The following SERPINI2 variants were observed in gnomAD, a reference collection of about 807,000 sequenced individuals.
SERPINI2 encodes serpin I2.
A neutral mutation model predicts 47.3 loss-of-function variants in SERPINI2; 48 were observed. That is an observed-to-expected ratio of 1.02 (90% CI 0.81 to 1.29). SERPINI2 has a LOEUF of 1.29. Ranked by LOEUF, SERPINI2 falls within the 50% of genes most tolerant of loss-of-function variation. The pLI is 0.00. For missense variants in SERPINI2, 448 were observed against 456.9 expected, an observed-to-expected ratio of 0.98 and a Z score of 0.18; for synonymous variants, 135 against 149.3, an observed-to-expected ratio of 0.90 and a Z score of 0.70.
intron 7 of SERPINI2, 126 bp downstream of exon 7, chr3:167,449,190 C>T (rs1383710608): frequency 2.5e-5 from 17 of 675,462 alleles, no homozygotes; most frequent in African/African-American, 5.5e-5. Flanking sequence ...TCCTTTTTTT[C>T]CTCCTGAAGT....
At chr3:167,457,154 A>G (rs1399659041) in intron 5 of SERPINI2, among the ~76,000 whole-genome samples, 1 of 152,230 alleles carries the variant, frequency 6.6e-6, no homozygotes, top group Non-Finnish European at 1.5e-5. Context: ...AGATAATACT[A>G]TACTTTTGAA....
chr3:167,475,600 C>G (rs1459048825), upstream of SERPINI2, among the ~76,000 whole-genome samples: 4 of 151,696 alleles, frequency 2.6e-5, no homozygotes, highest in South Asian at 2.1e-4. Context: ...TTTATTCTCC[C>G]TGGTTTAACC....
intron 5 of SERPINI2, among the ~76,000 whole-genome samples, chr3:167,464,561 G>C (rs1334266782): frequency 6.6e-6 from 1 of 151,832 alleles, no homozygotes; most frequent in African/African-American, 2.4e-5. Flanking sequence ...TAAAACGACA[G>C]TATATAATCT....
At chr3:167,465,224 A>G (rs2108168694) in exon 5 of SERPINI2, 2 of 1,609,642 alleles carry the variant, frequency 1.2e-6, no homozygotes, top group East Asian at 2.2e-5. Flanking sequence ...GCTTATTTCT[A>G]CTTCCTCTTC....
intron 5 of SERPINI2, among the ~76,000 whole-genome samples, chr3:167,457,649 C>T (rs988965184): frequency 4.6e-5 from 7 of 152,204 alleles, no homozygotes; most frequent in African/African-American, 1.4e-4. Context: ...TGAATAGCTA[C>T]TATTTTTTAT....
At chr3:167,463,408 G>A (rs1209090509) in intron 5 of SERPINI2, among the ~76,000 whole-genome samples, 1 of 151,774 alleles carries the variant, frequency 6.6e-6, no homozygotes, top group Non-Finnish European at 1.5e-5. Context: ...AGAATAACAG[G>A]GATATTTCTG....
At chr3:167,444,956 CT>C (rs1198614954) in intron 8 of SERPINI2, among the ~76,000 whole-genome samples, 5 of 152,022 alleles carry the variant, frequency 3.3e-5, no homozygotes, top group African/African-American at 7.2e-5. Context: ...CCCAATGTAG[CT>C]TTTTTTCTTT....
At chr3:167,449,916 G>T (rs1428750750) in intron 6 of SERPINI2, among the ~76,000 whole-genome samples, 1 of 152,214 alleles carries the variant, frequency 6.6e-6, no homozygotes, top group African/African-American at 2.4e-5. Flanking sequence ...CATATATACA[G>T]AGAGAGATCA....
intron 7 of SERPINI2, among the ~76,000 whole-genome samples, chr3:167,448,880 G>C (rs1447087841): frequency 6.6e-6 from 1 of 152,164 alleles, no homozygotes; most frequent in East Asian, 1.9e-4. Context: ...GGTTAAGTTT[G>C]AGAGCCACTG....
Position 167,449,310 on chromosome 3 carries a change from C to A in SERPINI2, c.1051+6G>T. The A allele has an allele frequency of 6.2e-7, 1 of 1,602,422 alleles. No homozygotes were observed. The highest frequency in any genetic ancestry group is 8.5e-7 in the Non-Finnish European group (1 of 1,169,616). On this transcript the variant is annotated splice_donor_region_variant and intron_variant, in intron 7 of 8. Coordinates refer to ENST00000264677, the Ensembl canonical transcript of SERPINI2. ...TTCTAGCTTGGCCAGAAATCATTCA[C>A]CCTACCAGTTGATGTTGCAGCTTCA...
At chr3:167,459,488 C>CTAG (rs1749922122) in intron 5 of SERPINI2, among the ~76,000 whole-genome samples, 2 of 151,832 alleles carry the variant, frequency 1.3e-5, no homozygotes, top group South Asian at 4.2e-4. Context: ...AATTATATAT[C>CTAG]TAGTATATTA....
At position 167,459,681 on chromosome 3, in the gene SERPINI2, GTT is replaced by G. The variant is rs11346005; in HGVS notation, c.866+5523_866+5524del. Among the ~76,000 whole-genome samples, 432 of 108,018 alleles carry G rather than the reference GTT, an allele frequency of 4.0e-3. 3 individuals carry two copies. The highest frequency in any genetic ancestry group is 0.01 in the African/African-American group (361 of 35,700). The allele number at this position is 108,018 out of a possible 152,430, so 70.9% of individuals were successfully genotyped here. ...TTAAATATAAACATTCTTATGGGTG[GTT>G]TTTTTTTTTTTTTGGCATATACTAA... On this transcript the variant is annotated intron_variant, in intron 5 of 8. Coordinates refer to ENST00000264677, the Ensembl canonical transcript of SERPINI2.
exon 9 of SERPINI2, chr3:167,442,044 G>T: frequency 8.0e-7 from 1 of 1,246,138 alleles, no homozygotes; most frequent in South Asian, 1.4e-5. Flanking sequence ...TTGTCAAGAT[G>T]ACGATATTTT....
chr3:167,449,068 C>T (rs921975772), intron 7 of SERPINI2, among the ~76,000 whole-genome samples: 7 of 152,186 alleles, frequency 4.6e-5, no homozygotes, highest in African/African-American at 9.7e-5. Flanking sequence ...TAATCCAATT[C>T]GCAAGTAAGC....
At chr3:167,459,161 G>A (rs1283361008) in intron 5 of SERPINI2, among the ~76,000 whole-genome samples, 3 of 148,744 alleles carry the variant, frequency 2.0e-5, no homozygotes, top group Admixed American at 6.7e-5. Context: ...TGCAAGCTCC[G>A]CCTCCCGGGT....
At position 167,465,402 on chromosome 3, in the gene SERPINI2, G is replaced by C; in HGVS notation, c.674-4C>G. ...AGGGAAGATTCAGAAAAATAACCTG[G>C]AATAGACAAAATAAAATATCAAATA... On this transcript the variant is annotated splice_region_variant and splice_polypyrimidine_tract_variant and intron_variant, in intron 4 of 8. Transcript: ENST00000264677. 2 of 1,602,394 alleles carry C rather than the reference G, an allele frequency of 1.2e-6. No individual in the cohort carries two copies. The highest frequency in any genetic ancestry group is 1.7e-6 in the Non-Finnish European group (2 of 1,177,234).
At chr3:167,470,048 C>T (rs542923667) in intron 2 of SERPINI2, among the ~76,000 whole-genome samples, 16 of 150,916 alleles carry the variant, frequency 1.1e-4, no homozygotes, top group African/African-American at 4.0e-4. Context: ...CCTGTTAAAA[C>T]TTCTGTGTTT....
chr3:167,445,810 C>T (rs1383465852), intron 8 of SERPINI2, among the ~76,000 whole-genome samples: 1 of 152,164 alleles, frequency 6.6e-6, no homozygotes, highest in Non-Finnish European at 1.5e-5. Flanking sequence ...TGTGTTGACA[C>T]TGTGCCCAGT....
chr3:167,467,734 A>C (rs993066296), intron 2 of SERPINI2, among the ~76,000 whole-genome samples: 2 of 152,166 alleles, frequency 1.3e-5, no homozygotes, highest in Non-Finnish European at 2.9e-5. Flanking sequence ...ATTTCAGCTG[A>C]AGAAAAAATT....
Sources: allele counts gnomAD v4.1 joint callset (sites outside exome capture counted in the v4.1 genomes callset), GRCh38; gene constraint gnomAD v4.1.1; transcripts MANE v1.5; gene names NCBI Gene and HGNC (gene_info 2026-07-23, HGNC 2026-07-21).